MBNL3: variants seen among roughly 807,000 people sequenced by gnomAD.
MBNL3 encodes muscleblind like splicing regulator 3.
MBNL3 carries 6 observed loss-of-function variants against 24.5 expected under a neutral mutation model. The ratio of observed to expected loss-of-function variants is 0.25; its 90% CI spans 0.13 to 0.48. The LOEUF (loss-of-function observed/expected upper bound fraction) is 0.48. MBNL3 is among the 20% of genes least tolerant of loss of function. MBNL3 has a pLI of 0.99. For synonymous variants in MBNL3, 100 were observed against 101.7 expected, an observed-to-expected ratio of 0.98 and a Z score of 0.10; for missense variants, 230 against 293.5, an observed-to-expected ratio of 0.78 and a Z score of 1.58.
At chrX:132,403,901 C>T (rs766395079) in intron 3 of MBNL3, among the ~76,000 whole-genome samples, 1 of 111,659 alleles carries the variant, frequency 9.0e-6, no homozygotes, top group Non-Finnish European at 1.9e-5. Flanking sequence ...GCTTCCTATT[C>T]TTTGCTCAGT....
At chrX:132,386,559 A>G (rs1000950511) in intron 6 of MBNL3, 102 bp downstream of exon 6, 3 of 907,014 alleles carry the variant, frequency 3.3e-6, no homozygotes, top group African/African-American at 3.9e-5. Flanking sequence ...ATCAAAATAC[A>G]TGTCGACAGT....
At position 132,369,780 on chromosome X, in the gene MBNL3, G is replaced by A. The variant is rs1294322616; in HGVS notation, c.*9886C>T. 1 of 111,986 alleles carries A rather than the reference G, an allele frequency of 8.9e-6. No individual in the cohort carries two copies. Among genetic ancestry groups the A allele is most frequent in the Non-Finnish European group, 1.9e-5 (1 of 53,220 alleles). 9.2% of individuals were successfully genotyped at this position (111,986 alleles called of 1,213,427 possible). On this transcript the variant is annotated 3_prime_UTR_variant, in exon 9 of 9. Transcript: ENST00000370853. ...GCATTGCATCACTTATGAAGAGATA[G>A]CTCCCTCTCTCATCAGGAAAACTGG... is the stretch of plus-strand genomic sequence containing the variant.
rs1934081574 is a variant in MBNL3, at chrX:132,375,798, C to T, written c.*3868G>A. ...TAATCATTCTGTACCTCATAGCCTA[C>T]CCTACAGACTAAAGGAACTCGGAAA... is the stretch of plus-strand genomic sequence containing the variant. On this transcript the variant is annotated 3_prime_UTR_variant, in exon 9 of 9. Transcript: ENST00000370853. 1 of 111,265 alleles carries T rather than the reference C, an allele frequency of 9.0e-6. No individual in the cohort carries two copies. The highest frequency in any genetic ancestry group is 4.2e-3 in the Middle Eastern group (1 of 238). 9.2% of individuals were successfully genotyped at this position (111,265 alleles called of 1,213,427 possible).
chrX:132,419,703 C>A (rs775404681), intron 2 of MBNL3, among the ~76,000 whole-genome samples: 1 of 111,386 alleles, frequency 9.0e-6, no homozygotes, highest in African/African-American at 3.3e-5. Context: ...TGAAGATCTG[C>A]GGCCCTAGGC....
chrX:132,428,900 A>G (rs1380053218), intron 2 of MBNL3, among the ~76,000 whole-genome samples: 2 of 112,869 alleles, frequency 1.8e-5, no homozygotes, highest in Non-Finnish European at 3.7e-5. Context: ...CTAACCAAGT[A>G]GGATCAGATG....
rs1317529811 is a variant in MBNL3 at position 132,374,791 on chromosome X, G to C, written c.*4875C>G. ...TTAAAAATATGAATTAATTTCAAAA[G>C]AGGCTTTAGTCATACATTAATCCTC... On this transcript the variant is annotated 3_prime_UTR_variant, in exon 9 of 9. Transcript: ENST00000370853. 8.9e-6 allele frequency: 1 copy of C among 111,816 alleles called. No homozygotes were observed. Among genetic ancestry groups the C allele is most frequent in the African/African-American group, 3.2e-5 (1 of 30,807 alleles). 9.2% of individuals were successfully genotyped at this position (111,816 alleles called of 1,213,427 possible). A position where few individuals can be genotyped will look rare whatever the true frequency, so the allele number is the denominator to read the frequency against.
chrX:132,455,010 G>T, intron 1 of MBNL3, among the ~76,000 whole-genome samples: 1 of 112,358 alleles, frequency 8.9e-6, no homozygotes, highest in Non-Finnish European at 1.9e-5. Flanking sequence ...TAGAGGAACT[G>T]CAACATAGGC....
intron 2 of MBNL3, among the ~76,000 whole-genome samples, chrX:132,427,687 A>G (rs190658243): frequency 8.8e-4 from 98 of 111,949 alleles, no homozygotes; most frequent in African/African-American, 2.8e-3. Flanking sequence ...TGATACTACA[A>G]TGTAATCTAC....
intron 2 of MBNL3, among the ~76,000 whole-genome samples, chrX:132,407,123 T>C (rs968317759): frequency 2.7e-4 from 30 of 112,427 alleles, no homozygotes; most frequent in African/African-American, 9.0e-4. Context: ...CAACACATGC[T>C]ATCTGCATTT....
intron 4 of MBNL3, among the ~76,000 whole-genome samples, chrX:132,391,776 G>A (rs901640479): frequency 8.1e-5 from 9 of 111,703 alleles, no homozygotes; most frequent in Non-Finnish European, 1.5e-4. Flanking sequence ...TTCTGCAATC[G>A]TAGAGAGTTA....
chrX:132,396,488 C>CTATATATATTCATATATATTCCTA lies in MBNL3; in HGVS notation c.343-4155_343-4154insTAGGAATATATATGAATATATATA. 3.5e-5 allele frequency among the ~76,000 whole-genome samples: 2 copies of CTATATATATTCATATATATTCCTA among 56,642 alleles called. 1 individual carries two copies. The highest frequency in any genetic ancestry group is 5.9e-5 in the Non-Finnish European group (2 of 33,633). The allele number at this position is 56,642 out of a possible 115,157, so 49.2% of individuals were successfully genotyped here. A position where few individuals can be genotyped will look rare whatever the true frequency, so the allele number is the denominator to read the frequency against. On this transcript the variant is annotated intron_variant, in intron 3 of 8. Coordinates refer to ENST00000370853, the MANE Select transcript of MBNL3 (RefSeq NM_001386889.1). ...TTCCTATATATATTCATATATATTC[C>CTATATATATTCATATATATTCCTA]TATATATATTCCTATATATATTCAT...
chrX:132,434,834 C>A lies in MBNL3; in HGVS notation c.177+4601G>T, dbSNP rs1223814377. 2.7e-5 allele frequency among the ~76,000 whole-genome samples: 3 copies of A among 111,289 alleles called. No individual in the cohort carries two copies. The Admixed American group carries it at 2.9e-4, about 11-fold the overall frequency. ...TGGGATCCCAGATTGGATCCTGGAA[C>A]AGAAAAATAACATTAGGAAGAAAAT... On this transcript the variant is annotated intron_variant, in intron 2 of 8. Transcript: ENST00000370853.
intron 1 of MBNL3, among the ~76,000 whole-genome samples, chrX:132,477,901 A>G (rs778876665): frequency 8.9e-6 from 1 of 111,932 alleles, no homozygotes; most frequent in African/African-American, 3.2e-5. Flanking sequence ...TACAATTTTA[A>G]AATTCATTTT....
chrX:132,381,263 A>G (rs1323635657), intron 8 of MBNL3: 1 of 484,597 alleles, frequency 2.1e-6, no homozygotes, highest in Non-Finnish European at 3.3e-6. Flanking sequence ...ATGTCTATGA[A>G]TGAAAATATT....
chrX:132,379,564 C>T lies in MBNL3; in HGVS notation c.*102G>A, dbSNP rs1001916181. 23 of 873,180 alleles carry T rather than the reference C, an allele frequency of 2.6e-5. No homozygotes were observed. Among genetic ancestry groups the T allele is most frequent in the African/African-American group, 2.1e-4 (10 of 47,711 alleles). 72.0% of individuals were successfully genotyped at this position (873,180 alleles called of 1,213,427 possible). On this transcript the variant is annotated 3_prime_UTR_variant, in exon 9 of 9. Coordinates refer to ENST00000370853, the MANE Select transcript of MBNL3 (RefSeq NM_001386889.1). ...TTTGCTTAATACATTGACTGCAACA[C>T]GCTTATTGTTGTGTTGGTAGAATAA... is the stretch of plus-strand genomic sequence containing the variant.
chrX:132,461,506 AC>A (rs999267858), intron 1 of MBNL3, among the ~76,000 whole-genome samples: 4 of 111,481 alleles, frequency 3.6e-5, no homozygotes, highest in Non-Finnish European at 5.6e-5. Context: ...TTTGGGTGAC[AC>A]AAAATGCATA....
intron 2 of MBNL3, among the ~76,000 whole-genome samples, chrX:132,421,077 G>A (rs183735417): frequency 2.7e-5 from 3 of 111,283 alleles, no homozygotes; most frequent in East Asian, 5.6e-4. Flanking sequence ...TTAGATCATC[G>A]GTAAATTATT....
intron 3 of MBNL3, among the ~76,000 whole-genome samples, chrX:132,398,550 G>A (rs1940252991): frequency 1.8e-5 from 2 of 111,858 alleles, no homozygotes; most frequent in Non-Finnish European, 1.9e-5. Context: ...TCATCAATTT[G>A]TATACATTGA....
At chrX:132,400,429 T>C (rs1940678974) in intron 3 of MBNL3, among the ~76,000 whole-genome samples, 1 of 111,800 alleles carries the variant, frequency 8.9e-6, no homozygotes, top group African/African-American at 3.2e-5. Context: ...CACAGTCTTA[T>C]TAGCAAAAGG....
Sources: gnomAD v4.1 joint callset for allele counts (sites outside exome capture counted in the v4.1 genomes callset) on GRCh38, gnomAD v4.1.1 for gene constraint, MANE v1.5 for transcripts, NCBI Gene and HGNC (gene_info 2026-07-23, HGNC 2026-07-21) for gene names.